The following RHOJ variants were observed in gnomAD, a reference collection of about 807,000 sequenced individuals.
RHOJ encodes the protein ras homolog family member J.
RHOJ carries 11 observed loss-of-function variants against 23.4 expected under a neutral mutation model. The observed-to-expected ratio is 0.47, with a 90% confidence interval of 0.30 to 0.78. The LOEUF (loss-of-function observed/expected upper bound fraction) is 0.78, where lower values mean the gene tolerates loss of function less well. Ranked by LOEUF, RHOJ falls within the 30% of genes least tolerant of loss-of-function variation. The probability of loss-of-function intolerance (pLI) is 0.08; values close to 1 mark genes in which losing one functional copy is unlikely to be tolerated. For missense variants in RHOJ, 254 were observed against 273.4 expected (o/e 0.93, Z 0.50); for synonymous variants, 102 against 102.7 (o/e 0.99, Z 0.04).
chr14:63,259,192 C>A (rs770626046), intron 1 of RHOJ, among the ~76,000 whole-genome samples: 2 of 152,134 alleles, frequency 1.3e-5, no homozygotes, highest in African/African-American at 4.8e-5. Flanking sequence ...CCCTCCTCAG[C>A]CTTAAATGCT....
intron 1 of RHOJ, among the ~76,000 whole-genome samples, chr14:63,221,193 G>A (rs1331829503): frequency 6.6e-6 from 1 of 152,138 alleles, no homozygotes; most frequent in African/African-American, 2.4e-5. Context: ...AACCGGATGT[G>A]GTGGTGCATG....
Position 63,293,283 on chromosome 14 carries a change from A to G in RHOJ, c.*2259A>G, listed in dbSNP as rs1882308384. On this transcript the variant is annotated 3_prime_UTR_variant, in exon 5 of 5. Coordinates refer to ENST00000316754, the MANE Select transcript of RHOJ (RefSeq NM_020663.5). ...GGCCACTCATTTCTCACTGATGTGG[A>G]TGAAAAAATGAGAGCAGTATGTTTC... 6.6e-6 allele frequency: 1 copy of G among 151,824 alleles called. No homozygotes were observed. Among genetic ancestry groups the G allele is most frequent in the South Asian group, 2.1e-4 (1 of 4,828 alleles). The allele number at this position is 151,824 out of a possible 1,614,324, so 9.4% of individuals were successfully genotyped here.
intron 1 of RHOJ, among the ~76,000 whole-genome samples, chr14:63,227,124 G>T (rs1035853094): frequency 1.3e-5 from 2 of 152,156 alleles, no homozygotes; most frequent in South Asian, 4.2e-4. Context: ...GCTGATTTTT[G>T]TATTTTTAGT....
chr14:63,277,910 G>A (rs751810025), intron 2 of RHOJ, among the ~76,000 whole-genome samples: 1 of 151,624 alleles, frequency 6.6e-6, no homozygotes, highest in Non-Finnish European at 1.5e-5. Context: ...GTAAAGAGGA[G>A]AGGGTAGTGC....
chr14:63,208,736 A>G (rs931773577), intron 1 of RHOJ, among the ~76,000 whole-genome samples: 20 of 152,168 alleles, frequency 1.3e-4, no homozygotes, highest in African/African-American at 4.6e-4. Context: ...ATTTACACTT[A>G]GGGTATGCTT....
At chr14:63,256,791 T>C (rs1010220606) in intron 1 of RHOJ, among the ~76,000 whole-genome samples, 1 of 151,986 alleles carries the variant, frequency 6.6e-6, no homozygotes, top group Admixed American at 6.6e-5. Flanking sequence ...TACCAAAAAA[T>C]GGCCAGGCGT....
chr14:63,259,022 C>G (rs1233380780), intron 1 of RHOJ, among the ~76,000 whole-genome samples: 1 of 152,148 alleles, frequency 6.6e-6, no homozygotes, highest in Non-Finnish European at 1.5e-5. Context: ...TCGCAGCAAC[C>G]TCCGCCTCCC....
intron 2 of RHOJ, among the ~76,000 whole-genome samples, chr14:63,280,181 G>A (rs1326896996): frequency 6.6e-6 from 1 of 152,086 alleles, no homozygotes; most frequent in African/African-American, 2.4e-5. Context: ...GTGCCACCAT[G>A]CCCAGCTAAT....
At chr14:63,236,136 T>G (rs931710885) in intron 1 of RHOJ, among the ~76,000 whole-genome samples, 4 of 152,226 alleles carry the variant, frequency 2.6e-5, no homozygotes, top group Admixed American at 2.6e-4. Flanking sequence ...CCCTACAGAA[T>G]TCTCTTTTAC....
intron 1 of RHOJ, among the ~76,000 whole-genome samples, chr14:63,231,260 C>T (rs1210569617): frequency 6.6e-6 from 1 of 152,194 alleles, no homozygotes; most frequent in Non-Finnish European, 1.5e-5. Flanking sequence ...TCCATCCCTA[C>T]CTTTTTCCTC....
chr14:63,213,681 C>A (rs1378799119), intron 1 of RHOJ, among the ~76,000 whole-genome samples: 3 of 152,058 alleles, frequency 2.0e-5, no homozygotes, highest in African/African-American at 7.2e-5. Context: ...TAGAATCCTG[C>A]TTTTGGTCAT....
chr14:63,268,360 C>T (rs1895405662), intron 1 of RHOJ, among the ~76,000 whole-genome samples: 1 of 152,130 alleles, frequency 6.6e-6, no homozygotes, highest in African/African-American at 2.4e-5. Flanking sequence ...TCCCTGTTTT[C>T]CTTCTCATTT....
At chr14:63,268,974 T>A in intron 1 of RHOJ, 136 bp from the exon 2 acceptor site, 1 of 627,174 alleles carries the variant, frequency 1.6e-6, no homozygotes, top group South Asian at 1.9e-5. Context: ...TCAACTTGGT[T>A]TAGAATGTAC....
intron 1 of RHOJ, among the ~76,000 whole-genome samples, chr14:63,213,851 G>C (rs1267543796): frequency 6.6e-6 from 1 of 152,110 alleles, no homozygotes; most frequent in African/African-American, 2.4e-5. Context: ...GAGGAGTAAG[G>C]GTAGGGAGTG....
At chr14:63,276,539 C>T (rs1881724122) in intron 2 of RHOJ, among the ~76,000 whole-genome samples, 1 of 152,146 alleles carries the variant, frequency 6.6e-6, no homozygotes, top group African/African-American at 2.4e-5. Flanking sequence ...ACAGCATCCT[C>T]AACAGTGCTA....
At chr14:63,251,499 C>T (rs1270558462) in intron 1 of RHOJ, among the ~76,000 whole-genome samples, 1 of 152,176 alleles carries the variant, frequency 6.6e-6, no homozygotes, top group African/African-American at 2.4e-5. Context: ...GAGAGAGGAA[C>T]ACAAGCCTAA....
chr14:63,232,760 G>A (rs1018907215), intron 1 of RHOJ, among the ~76,000 whole-genome samples: 1 of 144,206 alleles, frequency 6.9e-6, no homozygotes, highest in Admixed American at 7.2e-5. Flanking sequence ...GCAGTGGCGC[G>A]ATCTCAGCTC....
Position 63,291,082 on chromosome 14 carries a change from T to C in RHOJ, c.*58T>C. ...GGATGAGAATGGCAGCCAATCTCTG[T>C]GGCCAAGCTCCAGCCAAAAAGGAGG... is the stretch of plus-strand genomic sequence containing the variant. On this transcript the variant is annotated 3_prime_UTR_variant, in exon 5 of 5. Transcript: ENST00000316754. The C allele has an allele frequency of 6.3e-7, 1 of 1,597,380 alleles. No homozygotes were observed. The highest frequency in any genetic ancestry group is 8.6e-7 in the Non-Finnish European group (1 of 1,167,932).
intron 1 of RHOJ, among the ~76,000 whole-genome samples, chr14:63,268,749 C>T (rs1399397992): frequency 4.6e-5 from 7 of 152,006 alleles, no homozygotes; most frequent in South Asian, 2.1e-4. Context: ...TGTCTCAAAC[C>T]GAAGAAAAGA....
Sources: gnomAD v4.1 joint callset for allele counts (sites outside exome capture counted in the v4.1 genomes callset) on GRCh38, gnomAD v4.1.1 for gene constraint, MANE v1.5 for transcripts, NCBI Gene and HGNC (gene_info 2026-07-23, HGNC 2026-07-21) for gene names.